The following SLC4A4 variants were observed in gnomAD, a reference collection of about 807,000 sequenced individuals.
SLC4A4 encodes the protein electrogenic sodium bicarbonate cotransporter 1.
SLC4A4 carries 27 observed loss-of-function variants against 111.5 expected under a neutral mutation model. The ratio of observed to expected loss-of-function variants is 0.24; its 90% CI spans 0.18 to 0.33. The LOEUF (loss-of-function observed/expected upper bound fraction) is 0.33, where lower values mean the gene tolerates loss of function less well. Among genes scored for constraint, SLC4A4 ranks in the 10% least tolerant of loss-of-function variants. The pLI is 1.00. For synonymous variants in SLC4A4, 443 were observed against 463.4 expected (o/e 0.96, Z 0.57); for missense variants, 909 against 1,315.5 (o/e 0.69, Z 4.78).
chr4:71,324,654 T>C (rs1396598971), intron 3 of SLC4A4, among the ~76,000 whole-genome samples: 1 of 152,020 alleles, frequency 6.6e-6, no homozygotes, highest in Non-Finnish European at 1.5e-5. Context: ...CAGAATAAGT[T>C]ATAGAATACA....
chr4:71,349,468 A>G (rs1271712965), intron 4 of SLC4A4, among the ~76,000 whole-genome samples: 1 of 152,218 alleles, frequency 6.6e-6, no homozygotes, highest in Non-Finnish European at 1.5e-5. Context: ...ATATTGGTTC[A>G]TCACTGATAT....
intron 2 of SLC4A4, among the ~76,000 whole-genome samples, chr4:71,127,354 T>C (rs1743587196): frequency 6.6e-6 from 1 of 152,204 alleles, no homozygotes; most frequent in Non-Finnish European, 1.5e-5. Context: ...ACTATAATAA[T>C]GTTTAGAGGC....
intron 14 of SLC4A4, among the ~76,000 whole-genome samples, chr4:71,482,169 A>G (rs1728943443): frequency 1.3e-5 from 2 of 151,708 alleles, no homozygotes; most frequent in African/African-American, 2.4e-5. Context: ...CTGTGAGCCT[A>G]AAGAAATTTA....
At position 71,090,345 on chromosome 4, in the gene SLC4A4, A is replaced by G. The variant is rs1292802051; in HGVS notation, c.-64-2385A>G. Among the ~76,000 whole-genome samples the G allele has an allele frequency of 7.9e-4, 120 of 152,262 alleles. 2 individuals are homozygous for G. The highest frequency in any genetic ancestry group is 1.9e-4 in the East Asian group (1 of 5,158). On this transcript the variant is annotated intron_variant, in intron 1 of 26. Coordinates refer to the SLC4A4 transcript ENST00000649996. ...AATTCCCTGACCCCTTGTGCTTCCC[A>G]GGTGAGGCAATGCCTCACCCTGCTT...
At chr4:71,341,012 G>T (rs1474963546) in intron 4 of SLC4A4, among the ~76,000 whole-genome samples, 1 of 152,060 alleles carries the variant, frequency 6.6e-6, no homozygotes, top group Non-Finnish European at 1.5e-5. Flanking sequence ...GTAATACAAA[G>T]ACTTTGATTA....
chr4:71,149,705 C>G (rs755653989), intron 2 of SLC4A4, among the ~76,000 whole-genome samples: 8 of 152,154 alleles, frequency 5.3e-5, no homozygotes, highest in Non-Finnish European at 8.8e-5. Context: ...TTCCTTTTAC[C>G]TTCTGAGGCT....
At chr4:71,389,182 T>C (rs779987675) in intron 6 of SLC4A4, among the ~76,000 whole-genome samples, 1 of 152,182 alleles carries the variant, frequency 6.6e-6, no homozygotes, top group African/African-American at 2.4e-5. Context: ...TGAAGCCTAA[T>C]TGATGCAGGT....
intron 7 of SLC4A4, among the ~76,000 whole-genome samples, chr4:71,419,974 A>G (rs1210785810): frequency 6.6e-6 from 1 of 152,264 alleles, no homozygotes; most frequent in African/African-American, 2.4e-5. Flanking sequence ...CAGCAGTGGA[A>G]CAAAGCTGGA....
intron 1 of SLC4A4, among the ~76,000 whole-genome samples, chr4:71,217,986 T>C (rs1718534013): frequency 6.7e-6 from 1 of 149,932 alleles, no homozygotes; most frequent in African/African-American, 2.4e-5. Context: ...GGGAAAGTGA[T>C]CTTTGCTTTT....
intron 1 of SLC4A4, among the ~76,000 whole-genome samples, chr4:71,082,587 T>C (rs10518083): frequency 0.075 from 11,417 of 152,148 alleles, 545 homozygotes; most frequent in South Asian, 0.13. Context: ...CAGAAAATTA[T>C]GTTGAGAGAA....
intron 12 of SLC4A4, among the ~76,000 whole-genome samples, chr4:71,462,689 G>T (rs912413393): frequency 6.6e-6 from 1 of 152,078 alleles, no homozygotes; most frequent in Non-Finnish European, 1.5e-5. Flanking sequence ...GATTACAGGC[G>T]TGAGCCGCTA....
At chr4:71,233,271 A>G (rs1719568569) in intron 1 of SLC4A4, 3 of 985,344 alleles carry the variant, frequency 3.0e-6, no homozygotes, top group Non-Finnish European at 3.6e-6. Flanking sequence ...AAGAGAAAAG[A>G]GAACTACTGA....
intron 6 of SLC4A4, among the ~76,000 whole-genome samples, chr4:71,393,380 C>T (rs954982018): frequency 7.2e-5 from 11 of 152,046 alleles, no homozygotes; most frequent in Non-Finnish European, 1.5e-4. Flanking sequence ...AGCGACTCAA[C>T]GGAGAATCAA....
chr4:71,439,821 T>C (rs1256622855), intron 7 of SLC4A4, among the ~76,000 whole-genome samples: 2 of 151,616 alleles, frequency 1.3e-5, no homozygotes, highest in African/African-American at 2.4e-5. Flanking sequence ...TCTTTCTGCT[T>C]GGGCTTTTGG....
At chr4:71,223,376 CGTG>C (rs1309342274) in intron 1 of SLC4A4, among the ~76,000 whole-genome samples, 1 of 151,892 alleles carries the variant, frequency 6.6e-6, no homozygotes, top group Non-Finnish European at 1.5e-5. Context: ...GGGTTTTCAC[CGTG>C]GTCTCAATTT....
At chr4:71,187,981 T>G (rs1167110581) in intron 1 of SLC4A4, among the ~76,000 whole-genome samples, 1 of 152,252 alleles carries the variant, frequency 6.6e-6, no homozygotes, top group Non-Finnish European at 1.5e-5. Flanking sequence ...CACATTTATT[T>G]GCAATGGATT....
intron 2 of SLC4A4, among the ~76,000 whole-genome samples, chr4:71,248,314 A>G (rs1206527930): frequency 6.6e-6 from 1 of 152,064 alleles, no homozygotes; most frequent in African/African-American, 2.4e-5. Context: ...TGTGTACCAG[A>G]CACAGTGGGA....
At chr4:71,206,491 A>G (rs543211879) in intron 1 of SLC4A4, among the ~76,000 whole-genome samples, 51 of 152,202 alleles carry the variant, frequency 3.4e-4, no homozygotes, top group Non-Finnish European at 6.5e-4. Context: ...TTATCTAGGA[A>G]GAAGCCTTCC....
rs564804526 is a variant in SLC4A4, at chr4:71,502,106, C to T, written c.2166+4414C>T. Among the ~76,000 whole-genome samples, 12 of 152,278 alleles carry T rather than the reference C, an allele frequency of 7.9e-5. No homozygotes were observed. In the East Asian group the frequency reaches 9.7e-4, roughly 12 times the overall value. The stretch of plus-strand genomic sequence containing the variant: ...CCTCCTGAGTAACTGGGATTACAGG[C>T]GCTTGCCACCGCGCCCACTAATTTT... On this transcript the variant is annotated intron_variant, in intron 16 of 25. Transcript: ENST00000264485.
Sources: gnomAD v4.1 joint callset for allele counts (sites outside exome capture counted in the v4.1 genomes callset) on GRCh38, gnomAD v4.1.1 for gene constraint, MANE v1.5 for transcripts, NCBI Gene and HGNC (gene_info 2026-07-23, HGNC 2026-07-21) for gene names.